SYCP2L: variants seen among roughly 807,000 people sequenced by gnomAD.
SYCP2L encodes the protein synaptonemal complex protein 2 like.
In SYCP2L, 98 loss-of-function variants were observed where a neutral mutation model predicts 125.8. The observed-to-expected ratio is 0.78, with a 90% CI of 0.66 to 0.92. The LOEUF (loss-of-function observed/expected upper bound fraction) is 0.92, where lower values mean the gene tolerates loss of function less well. Ranked by LOEUF, SYCP2L falls within the 40% of genes least tolerant of loss-of-function variation. SYCP2L has a pLI of 0.00. For synonymous variants in SYCP2L, 317 were observed against 325.4 expected (o/e 0.97, Z 0.28); for missense variants, 842 against 936.4 (o/e 0.90, Z 1.32).
At chr6:10,919,066 T>C (rs1204904838) in intron 14 of SYCP2L, among the ~76,000 whole-genome samples, 1 of 152,204 alleles carries the variant, frequency 6.6e-6, no homozygotes, top group Non-Finnish European at 1.5e-5. Context: ...CCTGAATTCT[T>C]TTTCAGGTAC....
At chr6:10,965,340 A>C (rs574048638) in intron 29 of SYCP2L, among the ~76,000 whole-genome samples, 2 of 152,368 alleles carry the variant, frequency 1.3e-5, no homozygotes, top group South Asian at 4.1e-4. Flanking sequence ...GAATGAAGTC[A>C]GTCTTCTAGG....
intron 20 of SYCP2L, 119 bp from the exon 21 acceptor site, chr6:10,934,935 TTTTC>T (rs1781065730): frequency 1.5e-5 from 14 of 931,466 alleles, no homozygotes; most frequent in Non-Finnish European, 2.0e-5. Flanking sequence ...TTAGCATTTA[TTTTC>T]AAATGGAGTA....
At chr6:10,923,943 CA>C (rs1005075422) in intron 14 of SYCP2L, among the ~76,000 whole-genome samples, 2 of 152,166 alleles carry the variant, frequency 1.3e-5, no homozygotes, top group African/African-American at 4.8e-5. Flanking sequence ...CTCGGCCTCC[CA>C]AAGTGCTGGG....
intron 6 of SYCP2L, among the ~76,000 whole-genome samples, chr6:10,901,863 T>C (rs775226910): frequency 6.6e-6 from 1 of 152,222 alleles, no homozygotes; most frequent in Non-Finnish European, 1.5e-5. Flanking sequence ...CTCCGCCCCA[T>C]TTCTCTGCAG....
intron 23 of SYCP2L, among the ~76,000 whole-genome samples, chr6:10,943,272 TTTC>T (rs1167867089): frequency 1.8e-4 from 28 of 152,234 alleles, no homozygotes; most frequent in African/African-American, 6.0e-4. Flanking sequence ...GTTTATGATG[TTTC>T]TTGACTGCAT....
chr6:10,905,419 A>G (rs564813777), intron 8 of SYCP2L, among the ~76,000 whole-genome samples: 131 of 151,858 alleles, frequency 8.6e-4, no homozygotes, highest in African/African-American at 3.1e-3. Context: ...CAGCCTCCCG[A>G]GTAGCTGGGA....
In SYCP2L at chr6:10,905,142, CAAAAAAA is replaced by C. The variant is rs34659978; in HGVS notation, c.642-860_642-854del. Among the ~76,000 whole-genome samples the C allele has an allele frequency of 8.2e-3, 450 of 54,682 alleles. 2 individuals carry two copies. Among genetic ancestry groups the C allele is most frequent in the African/African-American group, 0.031 (426 of 13,848 alleles). The allele number at this position is 54,682 out of a possible 152,430, so 35.9% of individuals were successfully genotyped here. A position where few individuals can be genotyped will look rare whatever the true frequency, so the allele number is the denominator to read the frequency against. ...TGGGTGACAGAGCCAGACTTGGTCT[CAAAAAAA>C]AAAAAAAAAAAAAAAAAGAAGAAGA... On this transcript the variant is annotated intron_variant, in intron 8 of 29. Coordinates refer to ENST00000283141, the MANE Select transcript of SYCP2L (RefSeq NM_001040274.3).
intron 2 of SYCP2L, among the ~76,000 whole-genome samples, chr6:10,891,967 A>G (rs1485755950): frequency 6.6e-6 from 1 of 152,232 alleles, no homozygotes; most frequent in East Asian, 1.9e-4. Context: ...GAGCCAAAGA[A>G]GCAGGAAGAA....
At chr6:10,931,700 C>G (rs1414149815) in intron 20 of SYCP2L, among the ~76,000 whole-genome samples, 2 of 152,138 alleles carry the variant, frequency 1.3e-5, no homozygotes, top group Admixed American at 1.3e-4. Flanking sequence ...TGTGGTGGCT[C>G]ACGCCTGTAA....
At chr6:10,961,437 T>G (rs1215518942) in intron 27 of SYCP2L, 33 bp downstream of exon 27, 14 of 1,613,466 alleles carry the variant, frequency 8.7e-6, no homozygotes, top group Non-Finnish European at 1.0e-5. Flanking sequence ...ATTTTCTGAC[T>G]TCGGATCTTT....
chr6:10,901,515 CAG>C (rs926702138), intron 6 of SYCP2L, among the ~76,000 whole-genome samples: 1 of 152,192 alleles, frequency 6.6e-6, no homozygotes, highest in Admixed American at 6.5e-5. Context: ...TTTATTACAG[CAG>C]AGTTTCTCAA....
intron 24 of SYCP2L, 27 bp from the exon 25 acceptor site, chr6:10,956,109 A>C: frequency 6.4e-7 from 1 of 1,559,030 alleles, no homozygotes; most frequent in Non-Finnish European, 8.8e-7. Flanking sequence ...TGTTAGTTTT[A>C]TTCCATGTTT....
At chr6:10,903,325 G>T (rs1780418092) in intron 8 of SYCP2L, among the ~76,000 whole-genome samples, 1 of 152,126 alleles carries the variant, frequency 6.6e-6, no homozygotes, top group African/African-American at 2.4e-5. Context: ...AAGGCGGGTG[G>T]ATCACGAGGT....
At chr6:10,973,532 AAAT>A (rs371335747) in intron 29 of SYCP2L, among the ~76,000 whole-genome samples, 1,869 of 152,062 alleles carry the variant, frequency 0.012, 24 homozygotes, top group African/African-American at 0.034. Context: ...CTCCATCTCA[AAAT>A]AATAATAATA....
intron 14 of SYCP2L, among the ~76,000 whole-genome samples, chr6:10,921,575 G>A (rs1287679789): frequency 6.6e-6 from 1 of 152,118 alleles, no homozygotes; most frequent in Admixed American, 6.5e-5. Context: ...CATTCTGACT[G>A]GCATGAGATG....
intron 14 of SYCP2L, among the ~76,000 whole-genome samples, chr6:10,921,649 A>G (rs71548519): frequency 0.028 from 4,223 of 150,550 alleles, 81 homozygotes; most frequent in Non-Finnish European, 0.046. Context: ...TTTTTTTCAT[A>G]CGTTTGTTGG....
At chr6:10,907,892 G>GATTTTTTTTT (rs1407220779) in intron 10 of SYCP2L, among the ~76,000 whole-genome samples, 1 of 91,922 alleles carries the variant, frequency 1.1e-5, no homozygotes, top group Non-Finnish European at 2.0e-5. Context: ...ATACAGATAG[G>GATTTTTTTTT]TTTTTTTTTT....
In SYCP2L at chr6:10,912,733, C is replaced by CAG; in HGVS notation, c.982_983dup (p.Ser328ArgfsTer7). On this transcript the variant is annotated frameshift_variant, in exon 13 of 30. Coordinates refer to ENST00000283141, the MANE Select transcript of SYCP2L (RefSeq NM_001040274.3). LOFTEE classifies it high-confidence loss of function. This position sits in a 1 kb window ranked among gnomAD's most constrained non-coding sequence, Gnocchi z 4.1. The stretch of plus-strand genomic sequence containing the variant: ...TTGGATCGACTTCAACCTAGGAAGT[C>CAG]AGAGTGTCACTTTTTATATAGACAA... 1 of 1,613,790 alleles carries CAG rather than the reference C, an allele frequency of 6.2e-7. No homozygotes were observed. Among genetic ancestry groups the CAG allele is most frequent in the Non-Finnish European group, 8.5e-7 (1 of 1,179,926 alleles).
chr6:10,942,809 C>A, intron 23 of SYCP2L, 63 bp downstream of exon 23: 2 of 1,432,988 alleles, frequency 1.4e-6, no homozygotes, highest in South Asian at 1.3e-5. Context: ...CTGATTTTGG[C>A]AGACTGGGCT....
Sources: allele counts gnomAD v4.1 joint callset (sites outside exome capture counted in the v4.1 genomes callset), GRCh38; gene constraint gnomAD v4.1.1; non-coding constraint Gnocchi (gnomAD v3.1); transcripts MANE v1.5; gene names NCBI Gene and HGNC (gene_info 2026-07-23, HGNC 2026-07-21).